Variants in FMN2 observed in about 807,000 individuals in gnomAD.
FMN2 encodes the protein formin-2.
Under a neutral mutation model 142.3 loss-of-function variants are expected in FMN2, and 51 were observed. The ratio of observed to expected loss-of-function variants is 0.36; its 90% CI spans 0.29 to 0.45. The LOEUF is 0.45. FMN2 is among the 20% of genes least tolerant of loss of function. The pLI is 1.00. For synonymous variants in FMN2, 882 were observed against 869.8 expected, an observed-to-expected ratio of 1.01 and a Z score of -0.25; for missense variants, 1,936 against 2,122.8, an observed-to-expected ratio of 0.91 and a Z score of 1.73.
At chr1:240,445,986 T>C (rs942943990) in intron 16 of FMN2, among the ~76,000 whole-genome samples, 2 of 152,172 alleles carry the variant, frequency 1.3e-5, no homozygotes, top group Non-Finnish European at 2.9e-5. Flanking sequence ...ATCAGAAAAT[T>C]GTAAATGTCA....
At chr1:240,364,607 A>G (rs994148901) in intron 14 of FMN2, among the ~76,000 whole-genome samples, 3 of 152,182 alleles carry the variant, frequency 2.0e-5, no homozygotes, top group African/African-American at 4.8e-5. Flanking sequence ...AGCAGCCACA[A>G]TCATTCATTC....
chr1:240,426,339 A>T (rs182038946), intron 15 of FMN2, among the ~76,000 whole-genome samples: 1 of 152,130 alleles, frequency 6.6e-6, no homozygotes, highest in African/African-American at 2.4e-5. Context: ...TATTTTTATT[A>T]TCTGTGGAAC....
chr1:240,102,367 A>G (rs1287326359), intron 1 of FMN2, among the ~76,000 whole-genome samples: 1 of 152,190 alleles, frequency 6.6e-6, no homozygotes, highest in Non-Finnish European at 1.5e-5. Context: ...GATGCTCTTC[A>G]TTATTGAGAT....
At chr1:240,271,093 C>T (rs945648418) in intron 7 of FMN2, among the ~76,000 whole-genome samples, 2 of 69,736 alleles carry the variant, frequency 2.9e-5, no homozygotes, top group South Asian at 4.3e-4. Context: ...GAACTTTCCA[C>T]GATGGTTTTT....
Position 240,123,171 on chromosome 1 carries a change from A to T in FMN2, c.1616-8A>T. 1 of 1,614,028 alleles carries T rather than the reference A, an allele frequency of 6.2e-7. No individual in the cohort carries two copies. Among genetic ancestry groups the T allele is most frequent in the Non-Finnish European group, 8.5e-7 (1 of 1,180,000 alleles). On this transcript the variant is annotated splice_polypyrimidine_tract_variant and splice_region_variant and intron_variant, in intron 1 of 17. Transcript: ENST00000319653. ...TGCTCGCTCTTAATGACTGTGTTTCATCTGCAGGGCGAACGCTGTTGGAGA... is the reference window on the plus strand; with the variant it reads ...TGCTCGCTCTTAATGACTGTGTTTCTTCTGCAGGGCGAACGCTGTTGGAGA...
At chr1:240,144,159 A>G in intron 2 of FMN2, 4 of 1,399,110 alleles carry the variant, frequency 2.9e-6, no homozygotes, top group Admixed American at 1.7e-5. Flanking sequence ...TGCACTCAAC[A>G]TTCCGTGGTC....
intron 2 of FMN2, among the ~76,000 whole-genome samples, chr1:240,174,672 AGTT>A (rs1386168118): frequency 6.6e-6 from 1 of 152,120 alleles, no homozygotes; most frequent in Non-Finnish European, 1.5e-5. Flanking sequence ...GCTACAGTTC[AGTT>A]GTTTTCTTAA....
intron 15 of FMN2, among the ~76,000 whole-genome samples, chr1:240,415,132 A>G (rs1343091857): frequency 4.6e-5 from 7 of 152,218 alleles, no homozygotes; most frequent in South Asian, 2.1e-4. Flanking sequence ...TCTTGGAACC[A>G]ACCCAAATGC....
intron 8 of FMN2, among the ~76,000 whole-genome samples, chr1:240,298,232 T>G (rs1670060770): frequency 6.6e-6 from 1 of 152,200 alleles, no homozygotes. Flanking sequence ...AATTATTAGT[T>G]TAGGTAGTAC....
intron 6 of FMN2, among the ~76,000 whole-genome samples, chr1:240,220,236 A>G (rs1348822214): frequency 6.6e-6 from 1 of 151,816 alleles, no homozygotes; most frequent in Non-Finnish European, 1.5e-5. Flanking sequence ...ATCTCCTAAA[A>G]CTCATAACAG....
chr1:240,206,664 A>G lies in FMN2; in HGVS notation c.1987-135A>G, dbSNP rs1666361847. The G allele has an allele frequency of 9.9e-6, 11 of 1,105,818 alleles. No homozygotes were observed. In the South Asian group the frequency reaches 1.9e-4, roughly 19 times the overall value. 68.5% of individuals were successfully genotyped at this position (1,105,818 alleles called of 1,614,324 possible). On this transcript the variant is annotated intron_variant, in intron 4 of 17. Coordinates refer to ENST00000319653, the MANE Select transcript of FMN2 (RefSeq NM_020066.5). ...GGTGCAAGCCAGGGGACACATAGAA[A>G]TATTAATACCATCTTTCTGTCAAGG...
intron 15 of FMN2, among the ~76,000 whole-genome samples, chr1:240,433,123 T>A (rs1360123449): frequency 1.3e-5 from 2 of 152,358 alleles, no homozygotes; most frequent in Admixed American, 1.3e-4. Flanking sequence ...TTTTGCTTCA[T>A]GAATTTTGAA....
intron 2 of FMN2, among the ~76,000 whole-genome samples, chr1:240,148,757 G>A (rs1279129595): frequency 6.6e-6 from 1 of 152,092 alleles, no homozygotes; most frequent in African/African-American, 2.4e-5. Flanking sequence ...GAGGCGGGCG[G>A]ATCACGAGGT....
In FMN2 at chr1:240,460,922, C is replaced by G. The variant is rs568105180; in HGVS notation, c.5061-11450C>G. On this transcript the variant is annotated intron_variant, in intron 16 of 17. Coordinates refer to ENST00000319653, the MANE Select transcript of FMN2 (RefSeq NM_020066.5). Reference sequence around the variant, plus strand: ...TACATTCTTGAACTCCCACTCTGGGCCTGCTGATTATGGGGGTAGAAACCA... The same window carrying G: ...TACATTCTTGAACTCCCACTCTGGGGCTGCTGATTATGGGGGTAGAAACCA... Among the ~76,000 whole-genome samples the G allele has an allele frequency of 4.4e-4, 67 of 152,262 alleles. 1 individual carries two copies. Among genetic ancestry groups the G allele is most frequent in the African/African-American group, 1.6e-3 (66 of 41,534 alleles).
At chr1:240,451,517 G>A (rs1397105716) in intron 16 of FMN2, among the ~76,000 whole-genome samples, 1 of 152,036 alleles carries the variant, frequency 6.6e-6, no homozygotes. Context: ...TTCTGGGGAT[G>A]AGCTGGGAAA....
intron 6 of FMN2, among the ~76,000 whole-genome samples, chr1:240,212,566 T>C (rs1328336493): frequency 6.6e-6 from 1 of 152,194 alleles, no homozygotes; most frequent in East Asian, 1.9e-4. Context: ...TCAGTGGCTA[T>C]GTCCAGTAGT....
chr1:240,098,568 A>G (rs1402487898), intron 1 of FMN2, among the ~76,000 whole-genome samples: 1 of 152,192 alleles, frequency 6.6e-6, no homozygotes, highest in Non-Finnish European at 1.5e-5. Flanking sequence ...CCTGATACGT[A>G]TAAAATGTCT....
chr1:240,347,110 T>C (rs1349333669), intron 13 of FMN2, among the ~76,000 whole-genome samples: 1 of 152,148 alleles, frequency 6.6e-6, no homozygotes, highest in Admixed American at 6.6e-5. Flanking sequence ...TGTGTGAAGT[T>C]GGGGAAACAA....
chr1:240,280,765 G>C (rs774740198), intron 7 of FMN2, among the ~76,000 whole-genome samples: 1 of 152,044 alleles, frequency 6.6e-6, no homozygotes, highest in Non-Finnish European at 1.5e-5. Flanking sequence ...GAATATACCC[G>C]TCTTTTTTCT....
Sources: allele counts gnomAD v4.1 joint callset (sites outside exome capture counted in the v4.1 genomes callset), GRCh38; gene constraint gnomAD v4.1.1; transcripts MANE v1.5; gene names NCBI Gene and HGNC (gene_info 2026-07-23, HGNC 2026-07-21).